MYO1F: variants seen among roughly 807,000 people sequenced by gnomAD.
MYO1F encodes unconventional myosin-If.
Under a neutral mutation model 146.6 loss-of-function variants are expected in MYO1F, and 60 were observed. The observed-to-expected ratio is 0.41, with a 90% CI of 0.33 to 0.51. The LOEUF (loss-of-function observed/expected upper bound fraction) is 0.51. Ranked by LOEUF, MYO1F falls within the 20% of genes least tolerant of loss-of-function variation. The pLI is 0.25. For missense variants in MYO1F, 1,274 were observed against 1,534.3 expected (o/e 0.83, Z 2.83); for synonymous variants, 602 against 602.1 (o/e 1.00, Z 0.00).
chr19:8,554,362 AG>A, intron 4 of MYO1F, 114 bp downstream of exon 4: 1 of 853,914 alleles, frequency 1.2e-6, no homozygotes, highest in Admixed American at 1.7e-5. Flanking sequence ...GAGGGCAGAG[AG>A]GGACAGCAGG....
In MYO1F at chr19:8,530,439, G is replaced by A. The variant is rs771202309; in HGVS notation, c.2158+20C>T. On this transcript the variant is annotated intron_variant, in intron 20 of 27. Coordinates refer to ENST00000644032, the MANE Select transcript of MYO1F (RefSeq NM_012335.4). The surrounding 1 kb of genome is among the most constrained non-coding windows in gnomAD (Gnocchi z 5.8). ...GGTCCTTGTGCCCCCACCCCGCGCC[G>A]TTTACCCGAAGCCTCTCACCTTCCT... 3.6e-5 allele frequency: 58 copies of A among 1,613,460 alleles called. No homozygotes were observed. Among genetic ancestry groups the A allele is most frequent in the Admixed American group, 2.2e-4 (13 of 59,990 alleles).
Position 8,526,520 on chromosome 19 carries a change from C to T in MYO1F, c.2703G>A (p.Leu901=). ...TCCGACCGCCAACCTTGAGCACTGC[C>T]AAGTCGCCGAAGCCGCGGGAGAAGG... ...SVTFSRGFGD[L]AVLKVGGRTL... Residue 901 remains leucine, a synonymous_variant, in exon 24 of 28, where the codon TTG becomes TTA. Transcript: ENST00000644032. The T allele has an allele frequency of 6.3e-7, 1 of 1,585,206 alleles. No individual in the cohort carries two copies. Among genetic ancestry groups the T allele is most frequent in the Non-Finnish European group, 8.6e-7 (1 of 1,167,354 alleles).
chr19:8,543,897 CTGGTGGTGGTGG>C (rs1203381495), intron 14 of MYO1F, among the ~76,000 whole-genome samples: 2 of 11,100 alleles, frequency 1.8e-4, no homozygotes, highest in Admixed American at 1.1e-3. Flanking sequence ...GGTGGTGGTG[CTGGTGGTGGTGG>C]TGGTGGTGGT....
In MYO1F at chr19:8,552,076, A is replaced by G; in HGVS notation, c.593T>C (p.Val198Ala). 1.2e-6 allele frequency: 2 copies of G among 1,613,910 alleles called. No individual in the cohort carries two copies. Among genetic ancestry groups the G allele is most frequent in the Non-Finnish European group, 1.7e-6 (2 of 1,180,002 alleles). Residue 198 changes from valine (V) to alanine (A), a missense_variant, in exon 7 of 28, where the codon GTC (valine) becomes GCC (alanine). Coordinates refer to ENST00000644032, the MANE Select transcript of MYO1F (RefSeq NM_012335.4). The stretch of plus-strand genomic sequence containing the variant: ...GTTCCTCTCATTTTCATTTTGCATG[A>G]CCACGCGGGACTTCTCCAGCAAGAA... ...SNFLLEKSRV[V>A]MQNENERNFH... is the part of the protein sequence containing the mutation.
At chr19:8,527,086 C>A in intron 22 of MYO1F, 151 bp from the exon 23 acceptor site, 1 of 1,140,022 alleles carries the variant, frequency 8.8e-7, no homozygotes, top group Non-Finnish European at 1.3e-6. Context: ...GGGGATGTGG[C>A]AAGGAGTGGA....
At chr19:8,544,211 C>T in intron 14 of MYO1F, 86 bp downstream of exon 14, 1 of 1,452,078 alleles carries the variant, frequency 6.9e-7, no homozygotes, top group Admixed American at 1.7e-5. Context: ...CTCTTTCCAG[C>T]CTGGGTGCTG....
intron 1 of MYO1F, among the ~76,000 whole-genome samples, chr19:8,572,298 C>T (rs952043427): frequency 8.6e-5 from 13 of 151,706 alleles, no homozygotes; most frequent in African/African-American, 1.9e-4. Context: ...GACAGAGTCT[C>T]GCTCTGTTGC....
intron 1 of MYO1F, among the ~76,000 whole-genome samples, chr19:8,561,594 T>TCC (rs143840733): frequency 7.6e-6 from 1 of 132,392 alleles, no homozygotes; most frequent in African/African-American, 2.8e-5. Flanking sequence ...CCTCCCTCCC[T>TCC]CTCTTCTCTT....
chr19:8,566,037 A>G lies in MYO1F; in HGVS notation c.4-10241T>C, dbSNP rs374187061. The stretch of plus-strand genomic sequence containing the variant: ...GGCAAGAGGATCACTTGAGCCCAGG[A>G]GTTCGGAGTTACAGTGAGCTGTGAT... On this transcript the variant is annotated intron_variant, in intron 1 of 27. Transcript: ENST00000644032. 3.9e-5 allele frequency among the ~76,000 whole-genome samples: 6 copies of G among 152,144 alleles called. No homozygotes were observed. In the East Asian group the frequency reaches 9.7e-4, roughly 24 times the overall value.
intron 4 of MYO1F, among the ~76,000 whole-genome samples, chr19:8,554,102 G>A (rs374136737): frequency 3.9e-5 from 6 of 151,942 alleles, no homozygotes; most frequent in African/African-American, 1.4e-4. Context: ...GGGGACTACA[G>A]GCGTGCACCA....
In MYO1F at chr19:8,558,114, C is replaced by T. The variant is rs59252510; in HGVS notation, c.4-2318G>A. Among the ~76,000 whole-genome samples the T allele has an allele frequency of 7.9e-4, 121 of 152,210 alleles. 4 individuals are homozygous for T. The East Asian group carries it at 0.021, about 27-fold the overall frequency. On this transcript the variant is annotated intron_variant, in intron 1 of 27. Coordinates refer to ENST00000644032, the MANE Select transcript of MYO1F (RefSeq NM_012335.4). Reference sequence around the variant, plus strand: ...TGCCCCTCAGCAGTGCCAGCACCTTCTTAGGTTGCCATTTTTTTCATTTCA... The same window carrying T: ...TGCCCCTCAGCAGTGCCAGCACCTTTTTAGGTTGCCATTTTTTTCATTTCA...
At chr19:8,551,336 G>A (rs1195600425) in intron 8 of MYO1F, 2 of 279,204 alleles carry the variant, frequency 7.2e-6, no homozygotes, top group Non-Finnish European at 1.4e-5. Context: ...ACAGGTGTGA[G>A]CCACCGTGCC....
intron 19 of MYO1F, among the ~76,000 whole-genome samples, chr19:8,533,638 G>A (rs1163146168): frequency 2.0e-5 from 3 of 152,084 alleles, no homozygotes; most frequent in East Asian, 1.9e-4. Flanking sequence ...AATTACAGGC[G>A]TGAGCCAGCA....
chr19:8,532,136 A>G (rs1972512950), intron 19 of MYO1F, among the ~76,000 whole-genome samples: 1 of 151,952 alleles, frequency 6.6e-6, no homozygotes, highest in African/African-American at 2.4e-5. Flanking sequence ...TGAAAAAAGA[A>G]AAGAATGAAA....
At chr19:8,542,223 G>C (rs1289547123) in intron 14 of MYO1F, among the ~76,000 whole-genome samples, 1 of 151,144 alleles carries the variant, frequency 6.6e-6, no homozygotes, top group Non-Finnish European at 1.5e-5. Flanking sequence ...GATCGTGGCT[G>C]TATCCCAGGT....
chr19:8,541,427 T>G (rs2967770), intron 15 of MYO1F, among the ~76,000 whole-genome samples: 7,924 of 69,860 alleles, frequency 0.11, 179 homozygotes, highest in Non-Finnish European at 0.22. Flanking sequence ...GTGTGTGTGT[T>G]TTTTTTTTTT....
intron 1 of MYO1F, among the ~76,000 whole-genome samples, chr19:8,570,213 C>T (rs1439552955): frequency 2.0e-5 from 3 of 151,928 alleles, no homozygotes; most frequent in African/African-American, 4.8e-5. Flanking sequence ...GCTGGGATTA[C>T]AGGCGTGCAC....
chr19:8,537,787 T>A (rs1314469874), intron 16 of MYO1F, among the ~76,000 whole-genome samples: 7 of 151,990 alleles, frequency 4.6e-5, no homozygotes, highest in Non-Finnish European at 7.4e-5. Flanking sequence ...TGGGGTATAG[T>A]GGCGCCGTGA....
chr19:8,530,074 CCTGTGATGGAA>C lies in MYO1F; in HGVS notation c.2328+111_2328+121del, dbSNP rs1972417143. The C allele has an allele frequency of 2.2e-6, 3 of 1,353,538 alleles. No homozygotes were observed. In the South Asian group the frequency reaches 3.5e-5, roughly 16 times the overall value. 83.8% of individuals were successfully genotyped at this position (1,353,538 alleles called of 1,614,324 possible). A position where few individuals can be genotyped will look rare whatever the true frequency, so the allele number is the denominator to read the frequency against. ...TGCATATGGGCCAGGTGAGGGTGTACCTGTGATGGAACAGATGGATCTAGGCTGGGGGATAT... is the reference window on the plus strand; with the variant it reads ...TGCATATGGGCCAGGTGAGGGTGTACCAGATGGATCTAGGCTGGGGGATAT... On this transcript the variant is annotated intron_variant, in intron 21 of 27. Transcript: ENST00000644032. This position sits in a 1 kb window ranked among gnomAD's most constrained non-coding sequence, Gnocchi z 5.8.
Sources: gnomAD v4.1 joint callset for allele counts (sites outside exome capture counted in the v4.1 genomes callset) on GRCh38, gnomAD v4.1.1 for gene constraint, Gnocchi (gnomAD v3.1) non-coding constraint, MANE v1.5 for transcripts, NCBI Gene and HGNC (gene_info 2026-07-23, HGNC 2026-07-21) for gene names.